TENM1: variants seen among roughly 807,000 people sequenced by gnomAD.
TENM1 encodes the protein teneurin-1.
In TENM1, 35 loss-of-function variants were observed where a neutral mutation model predicts 174.8. The observed-to-expected ratio is 0.20, with a 90% CI of 0.15 to 0.27. The LOEUF (loss-of-function observed/expected upper bound fraction) is 0.27, where lower values mean the gene tolerates loss of function less well. Ranked by LOEUF, TENM1 falls within the 10% of genes least tolerant of loss-of-function variation. The pLI is 1.00. For missense variants in TENM1, 1,633 were observed against 2,130.1 expected (o/e 0.77, Z 4.59); for synonymous variants, 781 against 798.7 (o/e 0.98, Z 0.37).
intron 14 of TENM1, among the ~76,000 whole-genome samples, chrX:124,550,911 A>G (rs988171007): frequency 9.0e-6 from 1 of 111,389 alleles, no homozygotes; most frequent in Non-Finnish European, 1.9e-5. Flanking sequence ...GGCACCTGCC[A>G]CCATGCCCAG....
intron 18 of TENM1, among the ~76,000 whole-genome samples, chrX:124,513,601 G>T (rs1164099403): frequency 8.9e-6 from 1 of 112,290 alleles, no homozygotes. Context: ...AGTGTCAGAT[G>T]CAGCACTGTT....
At chrX:125,036,546 C>G in the TENM1 span, among the ~76,000 whole-genome samples, 1 of 111,303 alleles carries the variant, frequency 9.0e-6, no homozygotes, top group Non-Finnish European at 1.9e-5. Flanking sequence ...GTAATACCCA[C>G]CAAAACTTGG....
chrX:124,890,583 A>C (rs150122655), intron 3 of TENM1, among the ~76,000 whole-genome samples: 1,713 of 112,028 alleles, frequency 0.015, 31 homozygotes, highest in African/African-American at 0.052. Flanking sequence ...AAAATGCTCA[A>C]CATCATTAAC....
intron 13 of TENM1, among the ~76,000 whole-genome samples, chrX:124,563,066 G>T (rs2048856606): frequency 9.0e-6 from 1 of 111,683 alleles, no homozygotes; most frequent in South Asian, 3.7e-4. Context: ...AACATACATA[G>T]GTTTGAGAAG....
At chrX:125,136,874 C>T in the TENM1 span, among the ~76,000 whole-genome samples, 1 of 111,656 alleles carries the variant, frequency 9.0e-6, no homozygotes, top group Non-Finnish European at 1.9e-5. Context: ...GTATAAGGGA[C>T]TTGAACATAC....
intron 23 of TENM1, among the ~76,000 whole-genome samples, chrX:124,430,216 C>T (rs1308452881): frequency 9.0e-6 from 1 of 111,722 alleles, no homozygotes; most frequent in Non-Finnish European, 1.9e-5. Context: ...CTTCATGGAA[C>T]TTGGAGTCTG....
At chrX:124,820,699 G>A (rs771387904) in intron 3 of TENM1, among the ~76,000 whole-genome samples, 1 of 111,759 alleles carries the variant, frequency 8.9e-6, no homozygotes, top group Non-Finnish European at 1.9e-5. Context: ...ATCTGTTAGG[G>A]GCCATAATCC....
the TENM1 span, among the ~76,000 whole-genome samples, chrX:125,076,897 A>T: frequency 1.0e-4 from 11 of 108,649 alleles, no homozygotes; most frequent in African/African-American, 3.0e-4. Context: ...ACATTTCAAA[A>T]TTTTTTTTTT....
intron 11 of TENM1, among the ~76,000 whole-genome samples, chrX:124,608,478 G>T (rs1387319853): frequency 9.0e-6 from 1 of 111,625 alleles, no homozygotes; most frequent in African/African-American, 3.2e-5. Flanking sequence ...CTGGTGGGAT[G>T]TTTCTGAAGC....
At chrX:124,640,114 T>C (rs1370323207) in intron 11 of TENM1, among the ~76,000 whole-genome samples, 2 of 110,538 alleles carry the variant, frequency 1.8e-5, no homozygotes, top group Non-Finnish European at 3.8e-5. Context: ...TATATGTATA[T>C]AGAGATATAC....
chrX:124,966,729 C>T (rs1035756837), upstream of TENM1, among the ~76,000 whole-genome samples: 24 of 110,838 alleles, frequency 2.2e-4, no homozygotes, highest in Non-Finnish European at 3.6e-4. Flanking sequence ...AACTTATTAC[C>T]AAATTACACA....
chrX:124,854,804 T>A (rs1230487173), intron 3 of TENM1, among the ~76,000 whole-genome samples: 3 of 111,742 alleles, frequency 2.7e-5, no homozygotes, highest in African/African-American at 9.7e-5. Flanking sequence ...TAAGTTTAAG[T>A]AAAGATTTTC....
the TENM1 span, among the ~76,000 whole-genome samples, chrX:124,976,410 C>A: frequency 9.0e-6 from 1 of 111,589 alleles, no homozygotes; most frequent in African/African-American, 3.2e-5. Context: ...GTGGCAGTCA[C>A]AGAATCTCTG....
intron 1 of TENM1, among the ~76,000 whole-genome samples, chrX:124,911,178 A>G (rs2057830517): frequency 9.0e-6 from 1 of 111,265 alleles, no homozygotes; most frequent in East Asian, 2.8e-4. Context: ...CACCTCCCAA[A>G]GTGCTGGGAT....
At chrX:124,841,521 G>T (rs1044306290) in intron 3 of TENM1, among the ~76,000 whole-genome samples, 2 of 109,797 alleles carry the variant, frequency 1.8e-5, no homozygotes, top group Non-Finnish European at 3.8e-5. Flanking sequence ...TACTATTCCT[G>T]GTAACCTGGG....
chrX:124,515,916 A>T (rs1772547783), intron 18 of TENM1, among the ~76,000 whole-genome samples: 1 of 111,342 alleles, frequency 9.0e-6, no homozygotes, highest in Admixed American at 9.6e-5. Context: ...ACAACAAAAA[A>T]AGCTGGAGGC....
chrX:125,064,408 A>C, the TENM1 span, among the ~76,000 whole-genome samples: 1 of 111,084 alleles, frequency 9.0e-6, no homozygotes, highest in African/African-American at 3.3e-5. Flanking sequence ...CAAGAAAAAA[A>C]CAATATTTAT....
chrX:124,486,007 A>G (rs141213730), intron 21 of TENM1, among the ~76,000 whole-genome samples: 138 of 111,927 alleles, frequency 1.2e-3, no homozygotes, highest in African/African-American at 4.2e-3. Flanking sequence ...TATTTTCTTG[A>G]TAGCCAGCAG....
chrX:124,437,841 G>A (rs2060860059), intron 23 of TENM1, among the ~76,000 whole-genome samples: 1 of 111,893 alleles, frequency 8.9e-6, no homozygotes, highest in Non-Finnish European at 1.9e-5. Context: ...GTTTCAACAG[G>A]TGTAGCCTGT....
Sources: allele counts gnomAD v4.1 joint callset (sites outside exome capture counted in the v4.1 genomes callset), GRCh38; gene constraint gnomAD v4.1.1; transcripts MANE v1.5; gene names NCBI Gene and HGNC (gene_info 2026-07-23, HGNC 2026-07-21).